Variants in LPP observed in about 807,000 individuals in gnomAD.
LPP encodes lipoma-preferred partner.
LPP carries 38 observed loss-of-function variants against 60.4 expected under a neutral mutation model. The observed-to-expected ratio is 0.63, with a 90% confidence interval of 0.49 to 0.83. The LOEUF is 0.83. LPP is among the 40% of genes least tolerant of loss of function. The probability of loss-of-function intolerance (pLI) is 0.00; values close to 1 mark genes in which losing one functional copy is unlikely to be tolerated. For missense variants in LPP, 902 were observed against 783.6 expected (o/e 1.15, Z -1.80); for synonymous variants, 328 against 290.8 (o/e 1.13, Z -1.30).
At chr3:188,654,494 G>A (rs1852733909) in intron 7 of LPP, among the ~76,000 whole-genome samples, 1 of 152,092 alleles carries the variant, frequency 6.6e-6, no homozygotes, top group Admixed American at 6.6e-5. Context: ...AATCAACAAA[G>A]ACCTTAAAAT....
intron 5 of LPP, among the ~76,000 whole-genome samples, chr3:188,516,023 G>T (rs1025024953): frequency 6.6e-6 from 1 of 152,176 alleles, no homozygotes; most frequent in South Asian, 2.1e-4. Flanking sequence ...CAGCATGGGA[G>T]AAAAGCCATC....
At chr3:188,426,808 A>G (rs1789495181) in intron 4 of LPP, among the ~76,000 whole-genome samples, 1 of 152,080 alleles carries the variant, frequency 6.6e-6, no homozygotes, top group Non-Finnish European at 1.5e-5. Flanking sequence ...TGCTTGGTAA[A>G]TATTCCTCGA....
intron 6 of LPP, among the ~76,000 whole-genome samples, chr3:188,569,592 A>G (rs1833038172): frequency 6.6e-6 from 1 of 152,024 alleles, no homozygotes; most frequent in African/African-American, 2.4e-5. Context: ...CCACAAATCA[A>G]TTCACTTATT....
At chr3:188,573,774 C>G (rs913520918) in intron 6 of LPP, among the ~76,000 whole-genome samples, 7 of 151,938 alleles carry the variant, frequency 4.6e-5, no homozygotes, top group African/African-American at 1.7e-4. Context: ...AAACAGGAAG[C>G]CAGTGACCAG....
intron 9 of LPP, among the ~76,000 whole-genome samples, chr3:188,819,025 GTCGT>G (rs1327452811): frequency 4.9e-5 from 6 of 123,424 alleles, no homozygotes; most frequent in African/African-American, 2.0e-4. Flanking sequence ...ACTCATGGGG[GTCGT>G]GTGTGTGTGT....
chr3:188,181,531 G>A (rs1282858409), intron 1 of LPP, among the ~76,000 whole-genome samples: 1 of 152,094 alleles, frequency 6.6e-6, no homozygotes, highest in Non-Finnish European at 1.5e-5. Context: ...GCCATACATG[G>A]TCTCTGTCTC....
intron 7 of LPP, among the ~76,000 whole-genome samples, chr3:188,655,745 TAGAG>T (rs1325740850): frequency 1.3e-5 from 2 of 152,178 alleles, no homozygotes; most frequent in Non-Finnish European, 2.9e-5. Flanking sequence ...TACTATAGAA[TAGAG>T]AGAATTGGTC....
At chr3:188,650,565 G>A (rs1851887664) in intron 7 of LPP, among the ~76,000 whole-genome samples, 1 of 152,128 alleles carries the variant, frequency 6.6e-6, no homozygotes, top group Admixed American at 6.5e-5. Context: ...CTTGTTGGTT[G>A]CATTCTAATG....
intron 9 of LPP, among the ~76,000 whole-genome samples, chr3:188,801,292 T>C (rs1747191593): frequency 6.6e-6 from 1 of 152,172 alleles, no homozygotes; most frequent in African/African-American, 2.4e-5. Context: ...ATATAAATTA[T>C]ACAGTTAATA....
chr3:188,722,692 C>T (rs1165140247), intron 8 of LPP, among the ~76,000 whole-genome samples: 1 of 152,138 alleles, frequency 6.6e-6, no homozygotes, highest in African/African-American at 2.4e-5. Flanking sequence ...TCTATAGAAC[C>T]TCAGAGTCTT....
chr3:188,191,524 G>C (rs1728178714), intron 1 of LPP, among the ~76,000 whole-genome samples: 1 of 152,194 alleles, frequency 6.6e-6, no homozygotes, highest in Non-Finnish European at 1.5e-5. Context: ...GGATGGAATG[G>C]AGGGGCAGCA....
chr3:188,505,094 C>T (rs1487584170), intron 5 of LPP, among the ~76,000 whole-genome samples: 1 of 152,052 alleles, frequency 6.6e-6, no homozygotes, highest in Admixed American at 6.6e-5. Context: ...CTAAATTAAC[C>T]ACAACTTACC....
chr3:188,603,699 G>A (rs1192129015), intron 6 of LPP, among the ~76,000 whole-genome samples: 2 of 152,122 alleles, frequency 1.3e-5, no homozygotes, highest in Admixed American at 6.6e-5. Context: ...CCACAGGGAT[G>A]TCCAGACAAA....
intron 5 of LPP, among the ~76,000 whole-genome samples, chr3:188,524,013 C>T (rs1262133488): frequency 6.6e-6 from 1 of 152,144 alleles, no homozygotes; most frequent in Admixed American, 6.5e-5. Context: ...GCAGGTAATA[C>T]GAGGTTCTGA....
chr3:188,747,487 A>G (rs1726619729), intron 8 of LPP, among the ~76,000 whole-genome samples: 1 of 152,238 alleles, frequency 6.6e-6, no homozygotes, highest in South Asian at 2.1e-4. Flanking sequence ...GGAGAAAAGT[A>G]AGAACCTTCT....
intron 5 of LPP, among the ~76,000 whole-genome samples, chr3:188,514,447 T>A (rs1450158151): frequency 6.6e-6 from 1 of 151,984 alleles, no homozygotes; most frequent in African/African-American, 2.4e-5. Context: ...TTTTATTTTT[T>A]TTTTTATTTT....
At chr3:188,829,302 C>CCTG (rs1301353357) in intron 9 of LPP, among the ~76,000 whole-genome samples, 1 of 152,150 alleles carries the variant, frequency 6.6e-6, no homozygotes, top group African/African-American at 2.4e-5. Context: ...GTCTCAATGA[C>CCTG]CTGCCTATCC....
intron 2 of LPP, among the ~76,000 whole-genome samples, chr3:188,336,900 C>T (rs772840111): frequency 3.3e-5 from 5 of 152,182 alleles, no homozygotes; most frequent in Non-Finnish European, 5.9e-5. Context: ...TATGCCACTT[C>T]AGCTCAGGCC....
At chr3:188,196,126 T>C (rs187785579) in intron 1 of LPP, among the ~76,000 whole-genome samples, 4 of 152,332 alleles carry the variant, frequency 2.6e-5, no homozygotes, top group Admixed American at 2.0e-4. Context: ...TGTTTTGTTA[T>C]TCCTTTACCT....
Sources: gnomAD v4.1 joint callset for allele counts (sites outside exome capture counted in the v4.1 genomes callset) on GRCh38, gnomAD v4.1.1 for gene constraint, MANE v1.5 for transcripts, NCBI Gene and HGNC (gene_info 2026-07-23, HGNC 2026-07-21) for gene names.